The following CNOT2 variants were observed in gnomAD, a reference collection of about 807,000 sequenced individuals.
The protein encoded by CNOT2 is CC chemokine receptor 4-negative regulator of transcription 2.
A neutral mutation model predicts 72.1 loss-of-function variants in CNOT2; 7 were observed. The ratio of observed to expected loss-of-function variants is 0.10; its 90% CI spans 0.06 to 0.18. The LOEUF is 0.18. CNOT2 is among the 10% of genes least tolerant of loss of function. CNOT2 has a pLI of 1.00. For missense variants in CNOT2, 345 were observed against 660.3 expected (o/e 0.52, Z 5.23); for synonymous variants, 196 against 225.6 (o/e 0.87, Z 1.17).
chr12:70,332,671 A>G (rs993374806), intron 6 of CNOT2, 96 bp from the exon 7 acceptor site: 1 of 1,380,786 alleles, frequency 7.2e-7, no homozygotes, highest in Admixed American at 2.9e-5. Context: ...ACATATTGTT[A>G]TTTTATATGG....
chr12:70,303,653 T>C (rs1874576432), intron 2 of CNOT2, among the ~76,000 whole-genome samples: 1 of 152,206 alleles, frequency 6.6e-6, no homozygotes, highest in African/African-American at 2.4e-5. Flanking sequence ...CTTAACATTT[T>C]TTCCTTCATT....
chr12:70,249,906 G>A (rs1041447088), intron 1 of CNOT2, among the ~76,000 whole-genome samples: 25 of 152,052 alleles, frequency 1.6e-4, no homozygotes, highest in African/African-American at 5.8e-4. Flanking sequence ...TGCTTTAGGG[G>A]TGTAGTTTTT....
intron 15 of CNOT2, among the ~76,000 whole-genome samples, chr12:70,352,623 A>G (rs79150850): frequency 1.6e-3 from 239 of 152,348 alleles, no homozygotes; most frequent in African/African-American, 5.7e-3. Flanking sequence ...TCTTTAATAC[A>G]TAATACATAT....
chr12:70,329,370 A>G (rs1344521545), intron 4 of CNOT2, 53 bp from the exon 5 acceptor site: 1 of 1,480,970 alleles, frequency 6.8e-7, no homozygotes, highest in Non-Finnish European at 9.4e-7. Flanking sequence ...AAGATGGATA[A>G]CAATTTCATT....
At chr12:70,328,239 A>C (rs913738180) in intron 4 of CNOT2, among the ~76,000 whole-genome samples, 1 of 151,938 alleles carries the variant, frequency 6.6e-6, no homozygotes, top group Non-Finnish European at 1.5e-5. Flanking sequence ...CAAATTTAAG[A>C]TAACGATCAG....
At chr12:70,324,023 G>A (rs965080346) in intron 4 of CNOT2, 3 of 151,728 alleles carry the variant, frequency 2.0e-5, no homozygotes, top group African/African-American at 7.3e-5. Context: ...CTCCACAAGA[G>A]TTTAAGGAAT....
intron 1 of CNOT2, among the ~76,000 whole-genome samples, chr12:70,275,591 G>A (rs1868645600): frequency 6.6e-6 from 1 of 152,006 alleles, no homozygotes. Context: ...TAAGGTAGAA[G>A]GGTAAACATA....
chr12:70,332,495 G>T, intron 6 of CNOT2: 1 of 278,262 alleles, frequency 3.6e-6, no homozygotes, highest in East Asian at 8.4e-5. Context: ...ATGGTGCCCT[G>T]AATCTGTTTT....
chr12:70,259,238 C>T (rs1402331783), intron 1 of CNOT2, among the ~76,000 whole-genome samples: 1 of 151,910 alleles, frequency 6.6e-6, no homozygotes, highest in Non-Finnish European at 1.5e-5. Flanking sequence ...ACTTACAGAG[C>T]CTTTCACTTT....
At chr12:70,331,388 T>C (rs1286591168) in intron 6 of CNOT2, 3 of 151,930 alleles carry the variant, frequency 2.0e-5, no homozygotes, top group Non-Finnish European at 4.4e-5. Context: ...GTTATCAAAA[T>C]TCTCATCTCC....
chr12:70,282,585 T>G (rs1007327084), intron 2 of CNOT2, among the ~76,000 whole-genome samples: 1 of 152,184 alleles, frequency 6.6e-6, no homozygotes, highest in Admixed American at 6.5e-5. Flanking sequence ...TTCAGATCTT[T>G]ACTAGTGACT....
intron 4 of CNOT2, among the ~76,000 whole-genome samples, chr12:70,328,521 T>A (rs1879429670): frequency 6.6e-6 from 1 of 151,946 alleles, no homozygotes; most frequent in African/African-American, 2.4e-5. Flanking sequence ...GTGATAGCTG[T>A]ACTTCTTGAC....
intron 5 of CNOT2, among the ~76,000 whole-genome samples, 183 bp from the exon 6 acceptor site, chr12:70,330,104 G>A (rs1479089397): frequency 6.6e-6 from 1 of 151,820 alleles, no homozygotes; most frequent in Non-Finnish European, 1.5e-5. Flanking sequence ...ACTATAATTT[G>A]CCCTTTATTG....
chr12:70,292,367 A>G (rs1872072581), intron 2 of CNOT2, among the ~76,000 whole-genome samples: 1 of 152,234 alleles, frequency 6.6e-6, no homozygotes, highest in South Asian at 2.1e-4. Context: ...GGATTGGAGA[A>G]GACTAAGGAA....
At chr12:70,263,570 A>G (rs1352684413) in intron 1 of CNOT2, among the ~76,000 whole-genome samples, 1 of 152,134 alleles carries the variant, frequency 6.6e-6, no homozygotes, top group Non-Finnish European at 1.5e-5. Flanking sequence ...TTTCTTAAAG[A>G]TAAGACATTG....
chr12:70,257,608 C>T (rs183778773), intron 1 of CNOT2, among the ~76,000 whole-genome samples: 3 of 151,988 alleles, frequency 2.0e-5, no homozygotes, highest in Admixed American at 2.0e-4. Context: ...ACCTCGTGAG[C>T]CACCTGCCTC....
At chr12:70,287,941 C>T (rs1315875429) in intron 2 of CNOT2, among the ~76,000 whole-genome samples, 1 of 149,552 alleles carries the variant, frequency 6.7e-6, no homozygotes, top group South Asian at 2.2e-4. Context: ...TAAGGCACTA[C>T]CAATCCAGAA....
At chr12:70,279,204 AC>A (rs1424441156) in intron 2 of CNOT2, among the ~76,000 whole-genome samples, 4 of 152,320 alleles carry the variant, frequency 2.6e-5, no homozygotes, top group African/African-American at 9.6e-5. Context: ...TTATCTGCTA[AC>A]CATTTATTTT....
At chr12:70,350,947 T>C (rs1422957791) in intron 15 of CNOT2, among the ~76,000 whole-genome samples, 1 of 152,174 alleles carries the variant, frequency 6.6e-6, no homozygotes, top group African/African-American at 2.4e-5. Context: ...TGTAATATTA[T>C]TTGACTATAT....
Sources: allele counts gnomAD v4.1 joint callset (sites outside exome capture counted in the v4.1 genomes callset), GRCh38; gene constraint gnomAD v4.1.1; transcripts MANE v1.5; gene names NCBI Gene and HGNC (gene_info 2026-07-23, HGNC 2026-07-21).